The following NFATC1 variants were observed in gnomAD, a reference collection of about 807,000 sequenced individuals.
NFATC1 encodes the protein nuclear factor of activated T-cells, cytoplasmic 1.
In NFATC1, 22 loss-of-function variants were observed where a neutral mutation model predicts 76.0. That is an observed-to-expected ratio of 0.29 (90% CI 0.21 to 0.41). The LOEUF (loss-of-function observed/expected upper bound fraction) is 0.41. NFATC1 is among the 10% of genes least tolerant of loss of function. The pLI, the probability that NFATC1 is intolerant of heterozygous loss-of-function variation, is 1.00. For synonymous variants in NFATC1, 704 were observed against 613.1 expected (o/e 1.15, Z -2.19); for missense variants, 1,357 against 1,337.7 (o/e 1.01, Z -0.23).
chr18:79,444,427 C>T (rs924646399), intron 3 of NFATC1, among the ~76,000 whole-genome samples: 1 of 150,896 alleles, frequency 6.6e-6, no homozygotes, highest in Non-Finnish European at 1.5e-5. Context: ...CCTTCCCCCA[C>T]CCACCCCGAG....
chr18:79,487,043 C>T (rs909109371), intron 9 of NFATC1, 106 bp downstream of exon 9: 33 of 1,299,400 alleles, frequency 2.5e-5, no homozygotes, highest in South Asian at 2.9e-5. Flanking sequence ...GGAAGTGCAC[C>T]GAGGCACCGG....
chr18:79,457,257 C>T (rs545402737), intron 6 of NFATC1, among the ~76,000 whole-genome samples: 39 of 152,282 alleles, frequency 2.6e-4, no homozygotes, highest in African/African-American at 8.4e-4. Flanking sequence ...GACACCTGCC[C>T]GTGTCTTCCT....
At chr18:79,475,342 G>A (rs1480910146) in intron 8 of NFATC1, among the ~76,000 whole-genome samples, 6 of 145,630 alleles carry the variant, frequency 4.1e-5, no homozygotes, top group Non-Finnish European at 6.0e-5. Flanking sequence ...CACTGTCAAC[G>A]TTGTGAGGGA....
In NFATC1 at chr18:79,486,622, CCACAG is replaced by C. The variant is rs771488747; in HGVS notation, c.2470_2474del (p.Gln824GlyfsTer8). The C allele has an allele frequency of 6.3e-7, 1 of 1,599,444 alleles. No individual in the cohort carries two copies. The highest frequency in any genetic ancestry group is 1.1e-5 in the South Asian group (1 of 90,466). On this transcript the variant is annotated frameshift_variant, in exon 9 of 10. Transcript: ENST00000427363. LOFTEE classifies it high-confidence loss of function. Reference sequence around the variant, plus strand: ...CGGGCAGCCACCCCCGGCCCTGCTGCCACAGCAGGTGAGTGCGCCTCCAAGCAGTA... The same window carrying C: ...CGGGCAGCCACCCCCGGCCCTGCTGCCAGGTGAGTGCGCCTCCAAGCAGTA...
At chr18:79,431,012 C>T (rs1209683448) in intron 2 of NFATC1, among the ~76,000 whole-genome samples, 1 of 152,234 alleles carries the variant, frequency 6.6e-6, no homozygotes, top group Admixed American at 6.5e-5. Context: ...TGCTGATCAC[C>T]TCACGTGGGA....
At chr18:79,412,676 G>A (rs182497230) in intron 2 of NFATC1, among the ~76,000 whole-genome samples, 32 of 152,324 alleles carry the variant, frequency 2.1e-4, no homozygotes, top group African/African-American at 7.5e-4. Flanking sequence ...AAGCCTCCAG[G>A]CTGGGAACGA....
intron 9 of NFATC1, among the ~76,000 whole-genome samples, chr18:79,512,634 G>A (rs1245764896): frequency 6.6e-6 from 1 of 152,154 alleles, no homozygotes; most frequent in African/African-American, 2.4e-5. Context: ...CTCTCCAGTC[G>A]GTGGGCCCCG....
chr18:79,505,513 T>C (rs67299086), intron 9 of NFATC1, among the ~76,000 whole-genome samples: 176 of 20,100 alleles, frequency 8.8e-3, no homozygotes, highest in Non-Finnish European at 0.011. Context: ...GAGACTGCTG[T>C]GTGGGAGGAG....
At chr18:79,400,768 C>CT (rs2085182163) in intron 1 of NFATC1, among the ~76,000 whole-genome samples, 2 of 132,884 alleles carry the variant, frequency 1.5e-5, no homozygotes, top group African/African-American at 5.4e-5. Flanking sequence ...CGGAGAAGCC[C>CT]CAGCTCCCCC....
At chr18:79,447,269 C>T (rs1354548113) in intron 3 of NFATC1, among the ~76,000 whole-genome samples, 3 of 152,208 alleles carry the variant, frequency 2.0e-5, no homozygotes, top group Admixed American at 6.5e-5. Context: ...GAGAATCCGC[C>T]GTCCCCTGGC....
At chr18:79,448,747 G>A in intron 3 of NFATC1, 35 bp from the exon 4 acceptor site, 1 of 1,599,272 alleles carries the variant, frequency 6.3e-7, no homozygotes, top group Non-Finnish European at 8.5e-7. Context: ...TCTGTGCTCT[G>A]GGTGCTGAGC....
At chr18:79,399,622 C>T (rs1010805371) in intron 1 of NFATC1, among the ~76,000 whole-genome samples, 1 of 152,244 alleles carries the variant, frequency 6.6e-6, no homozygotes, top group African/African-American at 2.4e-5. Context: ...CCGAACTCGC[C>T]TTCCCGCCCC....
chr18:79,471,557 C>T (rs1600842275), intron 8 of NFATC1, among the ~76,000 whole-genome samples: 1 of 152,200 alleles, frequency 6.6e-6, no homozygotes, highest in Non-Finnish European at 1.5e-5. Flanking sequence ...GCTGGGGACA[C>T]GGAGCTCTTC....
chr18:79,490,215 G>A (rs568413277), intron 9 of NFATC1, among the ~76,000 whole-genome samples: 1 of 152,222 alleles, frequency 6.6e-6, no homozygotes, highest in African/African-American at 2.4e-5. Context: ...AGTCCTGGGG[G>A]CTGAGGTGGT....
chr18:79,484,970 C>T (rs1181360592), intron 8 of NFATC1, among the ~76,000 whole-genome samples: 4 of 152,266 alleles, frequency 2.6e-5, no homozygotes, highest in African/African-American at 4.8e-5. Flanking sequence ...GGCACCCAGC[C>T]GTGGCGGGGA....
At chr18:79,429,186 A>C (rs1307205776) in intron 2 of NFATC1, among the ~76,000 whole-genome samples, 1 of 146,706 alleles carries the variant, frequency 6.8e-6, no homozygotes, top group Non-Finnish European at 1.5e-5. Flanking sequence ...GCTCCACTGC[A>C]CTCCAGCCTG....
intron 3 of NFATC1, among the ~76,000 whole-genome samples, chr18:79,447,201 C>T (rs1022934966): frequency 2.0e-5 from 3 of 152,236 alleles, no homozygotes; most frequent in Non-Finnish European, 2.9e-5. Flanking sequence ...GAGCAAGGGC[C>T]GCCTCTTCGC....
Position 79,407,725 on chromosome 18 carries a change from G to A in NFATC1, c.128-2678G>A, listed in dbSNP as rs540518663. On this transcript the variant is annotated intron_variant, in intron 1 of 9. Transcript: ENST00000427363. ...CTCCCAAAGTGCTGGGATTATAGGCGTGAGCCACCGCGCCTGGCCACCTCC... is the reference window on the plus strand; with the variant it reads ...CTCCCAAAGTGCTGGGATTATAGGCATGAGCCACCGCGCCTGGCCACCTCC... 5.9e-5 allele frequency among the ~76,000 whole-genome samples: 9 copies of A among 152,348 alleles called. No homozygotes were observed. In the South Asian group the frequency reaches 6.2e-4, roughly 11 times the overall value.
At position 79,474,180 on chromosome 18, in the gene NFATC1, G is replaced by A. The variant is rs573711365; in HGVS notation, c.2092+6598G>A. ...GAAGCGTGTTCTCACGCTCGCTGTCGACGTAAACCTGAGGGAAGCGTGTTC... is the reference window on the plus strand; with the variant it reads ...GAAGCGTGTTCTCACGCTCGCTGTCAACGTAAACCTGAGGGAAGCGTGTTC... On this transcript the variant is annotated intron_variant, in intron 8 of 9. Transcript: ENST00000427363. Among the ~76,000 whole-genome samples the A allele has an allele frequency of 2.4e-3, 268 of 109,744 alleles. 6 individuals are homozygous for A. Among genetic ancestry groups the A allele is most frequent in the East Asian group, 0.014 (45 of 3,154 alleles). The allele number at this position is 109,744 out of a possible 152,430, so 72.0% of individuals were successfully genotyped here.
Sources: allele counts gnomAD v4.1 joint callset (sites outside exome capture counted in the v4.1 genomes callset), GRCh38; gene constraint gnomAD v4.1.1; transcripts MANE v1.5; gene names NCBI Gene and HGNC (gene_info 2026-07-23, HGNC 2026-07-21).